Variants in FGF12 observed in about 807,000 individuals in gnomAD.
FGF12 encodes fibroblast growth factor 12.
FGF12 carries 14 observed loss-of-function variants against 23.6 expected under a neutral mutation model. The ratio of observed to expected loss-of-function variants is 0.59; its 90% CI spans 0.39 to 0.93. The LOEUF is 0.93. Among genes scored for constraint, FGF12 ranks in the 40% least tolerant of loss-of-function variants. FGF12 has a pLI of 0.00. For missense variants in FGF12, 175 were observed against 217.8 expected (o/e 0.80, Z 1.24); for synonymous variants, 62 against 77.3 (o/e 0.80, Z 1.04).
chr3:192,241,723 G>A (rs1365403740), intron 4 of FGF12, among the ~76,000 whole-genome samples: 1 of 152,122 alleles, frequency 6.6e-6, no homozygotes, highest in East Asian at 1.9e-4. Context: ...CTCCCCTATT[G>A]ATAGTTCCAT....
intron 4 of FGF12, among the ~76,000 whole-genome samples, chr3:192,286,853 T>A (rs1714475397): frequency 6.6e-6 from 1 of 152,056 alleles, no homozygotes; most frequent in South Asian, 2.1e-4. Context: ...ACTATATATC[T>A]GCTGCTAAGC....
intron 2 of FGF12, among the ~76,000 whole-genome samples, chr3:192,551,865 C>G (rs889380987): frequency 2.6e-5 from 4 of 151,606 alleles, no homozygotes; most frequent in African/African-American, 9.7e-5. Flanking sequence ...GACCCATAGT[C>G]AAAAGTAAAA....
chr3:192,169,834 A>G (rs1349690340), intron 5 of FGF12, among the ~76,000 whole-genome samples: 1 of 98,992 alleles, frequency 1.0e-5, no homozygotes, highest in Non-Finnish European at 1.8e-5. Context: ...CGGTTTCCTC[A>G]GAAAAAAAAA....
intron 2 of FGF12, among the ~76,000 whole-genome samples, chr3:192,473,004 T>C (rs1276937435): frequency 6.6e-6 from 1 of 152,192 alleles, no homozygotes; most frequent in Non-Finnish European, 1.5e-5. Flanking sequence ...CAGAAAGATT[T>C]AGCCATTTTC....
intron 4 of FGF12, among the ~76,000 whole-genome samples, chr3:192,192,870 GTTATT>G (rs1162068338): frequency 6.6e-6 from 1 of 152,144 alleles, no homozygotes; most frequent in East Asian, 1.9e-4. Context: ...TGAGATGTTT[GTTATT>G]TTAAGTAGGA....
chr3:192,570,285 T>C (rs983015063), intron 2 of FGF12, among the ~76,000 whole-genome samples: 2 of 152,200 alleles, frequency 1.3e-5, no homozygotes, highest in African/African-American at 4.8e-5. Context: ...GAGTTGCCTA[T>C]GGAAATCCAA....
At chr3:192,287,332 A>T (rs1714510234) in intron 4 of FGF12, among the ~76,000 whole-genome samples, 1 of 152,096 alleles carries the variant, frequency 6.6e-6, no homozygotes, top group Non-Finnish European at 1.5e-5. Flanking sequence ...CTCTCCAAGT[A>T]AATCAGGGAG....
At chr3:192,454,034 C>CTT (rs1170594976) in intron 2 of FGF12, among the ~76,000 whole-genome samples, 1 of 147,310 alleles carries the variant, frequency 6.8e-6, no homozygotes, top group African/African-American at 2.5e-5. Flanking sequence ...CATTTCTCTC[C>CTT]TTTTTTTTTT....
At chr3:192,307,003 T>C (rs2108665915) in intron 4 of FGF12, among the ~76,000 whole-genome samples, 1 of 152,358 alleles carries the variant, frequency 6.6e-6, no homozygotes, top group South Asian at 2.1e-4. Flanking sequence ...TTGTTTAATA[T>C]TCTCATGGAC....
chr3:192,147,050 C>T (rs1043844940), intron 5 of FGF12, among the ~76,000 whole-genome samples: 1 of 152,058 alleles, frequency 6.6e-6, no homozygotes. Flanking sequence ...TGAAAACTGC[C>T]CCCCTCCTCA....
chr3:192,634,032 G>C (rs991038576), intron 2 of FGF12, among the ~76,000 whole-genome samples: 1 of 152,216 alleles, frequency 6.6e-6, no homozygotes, highest in Non-Finnish European at 1.5e-5. Flanking sequence ...GCCCAGTGCA[G>C]ATATAAATCT....
At chr3:192,288,239 C>T (rs774784490) in intron 4 of FGF12, among the ~76,000 whole-genome samples, 1 of 151,996 alleles carries the variant, frequency 6.6e-6, no homozygotes, top group Non-Finnish European at 1.5e-5. Flanking sequence ...AAACAATTAC[C>T]TAACAGAAAA....
intron 2 of FGF12, among the ~76,000 whole-genome samples, chr3:192,481,499 A>C (rs887471305): frequency 3.3e-5 from 5 of 152,190 alleles, no homozygotes; most frequent in African/African-American, 1.2e-4. Flanking sequence ...TGTTTGTTTA[A>C]GATAAACTAG....
intron 2 of FGF12, among the ~76,000 whole-genome samples, chr3:192,526,851 A>AGTATGC (rs1724957290): frequency 6.6e-6 from 1 of 152,224 alleles, no homozygotes; most frequent in Non-Finnish European, 1.5e-5. Context: ...CAACAAAAGC[A>AGTATGC]GTATGCGTCA....
chr3:192,568,605 A>AT (rs1276679203), intron 2 of FGF12, among the ~76,000 whole-genome samples: 1 of 152,194 alleles, frequency 6.6e-6, no homozygotes, highest in African/African-American at 2.4e-5. Context: ...ATTACTTGTC[A>AT]TATTATAGTG....
intron 4 of FGF12, among the ~76,000 whole-genome samples, chr3:192,307,575 C>T (rs1000615704): frequency 2.0e-5 from 3 of 152,136 alleles, no homozygotes; most frequent in African/African-American, 7.2e-5. Context: ...ATTCTACAGG[C>T]AGAATTTTTT....
At chr3:192,577,652 A>G (rs866165582) in intron 2 of FGF12, among the ~76,000 whole-genome samples, 2 of 152,240 alleles carry the variant, frequency 1.3e-5, no homozygotes, top group African/African-American at 4.8e-5. Context: ...CCTTAAGACT[A>G]AAGTGATATG....
intron 2 of FGF12, among the ~76,000 whole-genome samples, chr3:192,489,181 C>T (rs924806176): frequency 2.0e-5 from 3 of 151,752 alleles, no homozygotes; most frequent in African/African-American, 7.3e-5. Context: ...TTTTTAATCT[C>T]GTGATATCAT....
intron 2 of FGF12, among the ~76,000 whole-genome samples, chr3:192,641,035 A>G (rs1489697519): frequency 6.6e-6 from 1 of 151,008 alleles, no homozygotes; most frequent in Non-Finnish European, 1.5e-5. Flanking sequence ...GGTCTCAATG[A>G]TCCACCTGCC....
Sources: allele counts gnomAD v4.1 joint callset (sites outside exome capture counted in the v4.1 genomes callset), GRCh38; gene constraint gnomAD v4.1.1; transcripts MANE v1.5; gene names NCBI Gene and HGNC (gene_info 2026-07-23, HGNC 2026-07-21).